SMG6: variants seen among roughly 807,000 people sequenced by gnomAD.
SMG6 encodes the protein telomerase-binding protein EST1A.
Under a neutral mutation model 142.2 loss-of-function variants are expected in SMG6, and 66 were observed. The ratio of observed to expected loss-of-function variants is 0.46; its 90% confidence interval spans 0.38 to 0.57. SMG6 has a LOEUF of 0.57. Among genes scored for constraint, SMG6 ranks in the 20% least tolerant of loss-of-function variants. The pLI, the probability that SMG6 is intolerant of heterozygous loss-of-function variation, is 0.00. For synonymous variants in SMG6, 779 were observed against 702.4 expected (o/e 1.11, Z -1.72); for missense variants, 1,793 against 1,832.0 (o/e 0.98, Z 0.39).
At chr17:2,129,168 T>A (rs1487195318) in intron 13 of SMG6, among the ~76,000 whole-genome samples, 1 of 151,802 alleles carries the variant, frequency 6.6e-6, no homozygotes, top group Non-Finnish European at 1.5e-5. Context: ...TTATTAAAAA[T>A]ACAAAAAAGT....
At chr17:2,114,571 C>A (rs952934379) in intron 13 of SMG6, among the ~76,000 whole-genome samples, 2 of 151,984 alleles carry the variant, frequency 1.3e-5, no homozygotes, top group Non-Finnish European at 2.9e-5. Context: ...AGCGGCAGTA[C>A]CACATTAATA....
At chr17:2,205,306 T>C (rs1247722011) in intron 10 of SMG6, among the ~76,000 whole-genome samples, 1 of 152,160 alleles carries the variant, frequency 6.6e-6, no homozygotes, top group Admixed American at 6.5e-5. Flanking sequence ...TGACCTCAAG[T>C]GATCCGTCCA....
chr17:2,300,297 C>T lies in SMG6; in HGVS notation c.456G>A (p.Leu152=). The change falls in exon 2 of 19, where the codon TTG becomes TTA. Residue 152 remains leucine (L), a synonymous_variant. Transcript: ENST00000263073. Reference sequence around the variant, plus strand: ...TGGCGGATTCTTTGCTAACAGTCTGCAAACGTCGTCCAGGCTGATAGATCT... The same window carrying T: ...TGGCGGATTCTTTGCTAACAGTCTGTAAACGTCGTCCAGGCTGATAGATCT... ...DLQIYQPGRR[L]QTVSKESASR... is the part of the protein sequence containing the mutation. 2 of 1,614,102 alleles carry T rather than the reference C, an allele frequency of 1.2e-6. No homozygotes were observed. The highest frequency in any genetic ancestry group is 1.7e-6 in the Non-Finnish European group (2 of 1,180,036).
intron 15 of SMG6, among the ~76,000 whole-genome samples, chr17:2,080,845 CA>C (rs1320761640): frequency 6.6e-6 from 1 of 152,130 alleles, no homozygotes; most frequent in Non-Finnish European, 1.5e-5. Context: ...CCATGTTAGC[CA>C]GGATGGTCTC....
intron 12 of SMG6, among the ~76,000 whole-genome samples, chr17:2,185,057 C>A (rs557914553): frequency 2.9e-4 from 43 of 149,474 alleles, no homozygotes; most frequent in African/African-American, 9.4e-4. Context: ...CTTGGGGACA[C>A]ATGAATCCCA....
At chr17:2,280,767 C>T (rs1410120693) in intron 8 of SMG6, among the ~76,000 whole-genome samples, 1 of 152,182 alleles carries the variant, frequency 6.6e-6, no homozygotes, top group African/African-American at 2.4e-5. Flanking sequence ...AAAATATATT[C>T]ATCTATTATT....
At chr17:2,087,698 A>G in intron 13 of SMG6, 2 of 987,696 alleles carry the variant, frequency 2.0e-6, no homozygotes, top group Non-Finnish European at 2.4e-6. Context: ...ACATGTGATG[A>G]GGAAGGCTAG....
chr17:2,236,874 T>C, intron 9 of SMG6: 1 of 1,208,310 alleles, frequency 8.3e-7, no homozygotes, highest in Non-Finnish European at 1.0e-6. Context: ...CAACTCAAGT[T>C]TTGGATAAAT....
In SMG6 at chr17:2,172,790, C is replaced by T. The variant is rs191617249; in HGVS notation, c.3225G>A (p.Glu1075=). Residue 1075 remains glutamate, a synonymous_variant, in exon 13 of 19, where the codon GAG becomes GAA. Coordinates refer to ENST00000263073, the MANE Select transcript of SMG6 (RefSeq NM_017575.5). ...CNILTAVNQS[E]VPLYKDPDDD... is the part of the protein sequence containing the mutation. Reference sequence around the variant, plus strand: ...CATCCGGGTCCTTGTACAGTGGCACCTCAGACTGATTCACTGCAGTCAGTA... The same window carrying T: ...CATCCGGGTCCTTGTACAGTGGCACTTCAGACTGATTCACTGCAGTCAGTA... The T allele has an allele frequency of 1.0e-4, 169 of 1,614,152 alleles. No homozygotes were observed. In the East Asian group the frequency reaches 2.6e-3, roughly 25 times the overall value.
chr17:2,178,237 C>A (rs960125740), intron 12 of SMG6, among the ~76,000 whole-genome samples: 2 of 152,104 alleles, frequency 1.3e-5, no homozygotes, highest in Non-Finnish European at 2.9e-5. Flanking sequence ...TATGCGGCTC[C>A]TGGAGATTTC....
chr17:2,284,164 G>C (rs953930161), intron 6 of SMG6, among the ~76,000 whole-genome samples: 2 of 152,018 alleles, frequency 1.3e-5, no homozygotes, highest in Non-Finnish European at 2.9e-5. Context: ...GAGTTGACTC[G>C]GAAACTTTGG....
At chr17:2,265,463 T>C (rs1036359945) in intron 8 of SMG6, among the ~76,000 whole-genome samples, 14 of 152,040 alleles carry the variant, frequency 9.2e-5, no homozygotes, top group African/African-American at 2.9e-4. Context: ...TGAGCTGAGA[T>C]TGCGCCACTG....
intron 10 of SMG6, among the ~76,000 whole-genome samples, chr17:2,220,520 C>T (rs1250260211): frequency 2.0e-5 from 3 of 152,120 alleles, no homozygotes; most frequent in Non-Finnish European, 4.4e-5. Flanking sequence ...GTCCCAGCTA[C>T]TTGGGAGGCT....
chr17:2,132,714 T>C (rs1406489551), intron 13 of SMG6, among the ~76,000 whole-genome samples: 1 of 152,190 alleles, frequency 6.6e-6, no homozygotes, highest in African/African-American at 2.4e-5. Flanking sequence ...CAATCTCTTT[T>C]CCTAGCCTCA....
intron 13 of SMG6, among the ~76,000 whole-genome samples, chr17:2,105,998 C>A (rs1408827868): frequency 2.0e-5 from 3 of 152,320 alleles, no homozygotes; most frequent in East Asian, 3.9e-4. Context: ...AAAGGCTCCA[C>A]AAATCTGTCA....
chr17:2,236,469 TG>T (rs1199056132), intron 10 of SMG6, 22 bp downstream of exon 10: 1 of 1,606,502 alleles, frequency 6.2e-7, no homozygotes, highest in Admixed American at 1.7e-5. Context: ...ATATTCTAGA[TG>T]AAGAAACTAA....
intron 10 of SMG6, among the ~76,000 whole-genome samples, chr17:2,232,123 G>C (rs1291413857): frequency 2.6e-5 from 4 of 151,872 alleles, no homozygotes; most frequent in African/African-American, 9.7e-5. Flanking sequence ...GGCCAGATTG[G>C]AACAAATTGG....
chr17:2,189,482 AG>A (rs1293200524), intron 10 of SMG6, among the ~76,000 whole-genome samples: 1 of 152,218 alleles, frequency 6.6e-6, no homozygotes, highest in Non-Finnish European at 1.5e-5. Context: ...AGACAGAATC[AG>A]GGGCCAGGCT....
At chr17:2,186,522 C>CA in intron 12 of SMG6, 141 bp downstream of exon 12, 2 of 928,070 alleles carry the variant, frequency 2.2e-6, no homozygotes, top group Non-Finnish European at 3.2e-6. Context: ...GGAAGGTATT[C>CA]AAAAAAAGTT....
Sources: gnomAD v4.1 joint callset for allele counts (sites outside exome capture counted in the v4.1 genomes callset) on GRCh38, gnomAD v4.1.1 for gene constraint, MANE v1.5 for transcripts, NCBI Gene and HGNC (gene_info 2026-07-23, HGNC 2026-07-21) for gene names.